Variants in ADARB2 observed in about 807,000 individuals in gnomAD.
The protein encoded by ADARB2 is inactive double-stranded RNA-specific editase B2.
ADARB2 carries 25 observed loss-of-function variants against 62.2 expected under a neutral mutation model. The observed-to-expected ratio is 0.40, with a 90% CI of 0.29 to 0.56. The LOEUF (loss-of-function observed/expected upper bound fraction) is 0.56, where lower values mean the gene tolerates loss of function less well. ADARB2 is among the 20% of genes least tolerant of loss of function. The pLI, the probability that ADARB2 is intolerant of heterozygous loss-of-function variation, is 0.43. For synonymous variants in ADARB2, 572 were observed against 500.8 expected (o/e 1.14, Z -1.90); for missense variants, 1,071 against 1,077.4 (o/e 0.99, Z 0.08).
At chr10:1,406,514 G>T (rs922820052) in intron 1 of ADARB2, among the ~76,000 whole-genome samples, 20 of 152,146 alleles carry the variant, frequency 1.3e-4, no homozygotes, top group African/African-American at 4.8e-4. Context: ...TCCCTACCTG[G>T]GGACCACTGG....
At chr10:1,377,163 GGT>G (rs1275020398) in intron 2 of ADARB2, among the ~76,000 whole-genome samples, 3 of 139,840 alleles carry the variant, frequency 2.1e-5, no homozygotes, top group Non-Finnish European at 1.5e-5. Flanking sequence ...GTGCTCCTGG[GGT>G]GTGTGTGTGC....
chr10:1,266,176 G>A (rs1189032744), intron 4 of ADARB2, among the ~76,000 whole-genome samples: 1 of 152,240 alleles, frequency 6.6e-6, no homozygotes, highest in Non-Finnish European at 1.5e-5. Context: ...GATGGCGTGT[G>A]GGTCGGCGCC....
At chr10:1,258,620 T>C (rs1173309554) in intron 4 of ADARB2, among the ~76,000 whole-genome samples, 1 of 152,072 alleles carries the variant, frequency 6.6e-6, no homozygotes, top group Non-Finnish European at 1.5e-5. Flanking sequence ...TATATATGCA[T>C]CCAATACAGG....
At chr10:1,413,789 C>T (rs954748808) in intron 1 of ADARB2, among the ~76,000 whole-genome samples, 1 of 152,170 alleles carries the variant, frequency 6.6e-6, no homozygotes, top group Non-Finnish European at 1.5e-5. Context: ...ATTTTTTGGT[C>T]AAAACCCAAA....
At chr10:1,676,915 G>T (rs1050110273) in intron 1 of ADARB2, among the ~76,000 whole-genome samples, 1 of 152,146 alleles carries the variant, frequency 6.6e-6, no homozygotes, top group Non-Finnish European at 1.5e-5. Flanking sequence ...GGTCACTGTG[G>T]AGTGGAGGGC....
In ADARB2 at chr10:1,708,529, G is replaced by A. The variant is rs374278903; in HGVS notation, c.100+28522C>T. On this transcript the variant is annotated intron_variant, in intron 1 of 9. Coordinates refer to ENST00000381312, the MANE Select transcript of ADARB2 (RefSeq NM_018702.4). ...GTGCTGGCAGACAACAAGACACAAG[G>A]CCCTTTAGTCAAGACGCCAATCAAG... Among the ~76,000 whole-genome samples the A allele has an allele frequency of 2.6e-5, 4 of 152,290 alleles. No individual in the cohort carries two copies. In the East Asian group the frequency reaches 5.8e-4, roughly 22 times the overall value.
At chr10:1,262,382 A>C (rs1292635221) in intron 4 of ADARB2, among the ~76,000 whole-genome samples, 1 of 151,430 alleles carries the variant, frequency 6.6e-6, no homozygotes, top group Non-Finnish European at 1.5e-5. Context: ...TTTGCAACCC[A>C]CTCATGTGAC....
intron 1 of ADARB2, among the ~76,000 whole-genome samples, chr10:1,444,732 C>A (rs1830947326): frequency 6.7e-6 from 1 of 149,248 alleles, no homozygotes; most frequent in Non-Finnish European, 1.5e-5. Context: ...ATCCATCTAT[C>A]TATCCATCCA....
rs11338512 is a variant in ADARB2 at position 1,734,296 on chromosome 10, GTTTT to G, written c.100+2751_100+2754del. Among the ~76,000 whole-genome samples, 1,260 of 130,776 alleles carry G rather than the reference GTTTT, an allele frequency of 9.6e-3. 15 individuals are homozygous for G. The highest frequency in any genetic ancestry group is 0.031 in the African/African-American group (1,134 of 36,200). 85.8% of individuals were successfully genotyped at this position (130,776 alleles called of 152,430 possible). On this transcript the variant is annotated intron_variant, in intron 1 of 9. Transcript: ENST00000381312. The stretch of plus-strand genomic sequence containing the variant: ...GAAAGTCATATTCTGTGACGAAGGT[GTTTT>G]TTTTTTTTTTTTTTTTAAAGATACA...
intron 1 of ADARB2, among the ~76,000 whole-genome samples, chr10:1,466,719 C>T (rs774191512): frequency 2.6e-5 from 4 of 152,136 alleles, no homozygotes; most frequent in Non-Finnish European, 5.9e-5. Flanking sequence ...GTTGTTGGAT[C>T]CCCAGAAAGC....
Position 1,532,172 on chromosome 10 carries a change from G to A in ADARB2, c.101-153012C>T, listed in dbSNP as rs375338691. 1.3e-4 allele frequency among the ~76,000 whole-genome samples: 20 copies of A among 152,210 alleles called. 1 individual carries two copies. In the East Asian group the frequency reaches 3.9e-3, roughly 29 times the overall value. On this transcript the variant is annotated intron_variant, in intron 1 of 9. Coordinates refer to ENST00000381312, the MANE Select transcript of ADARB2 (RefSeq NM_018702.4). ...CCATTCCCTGAAGACAGACGGTTCT[G>A]TGATGCTTTCTGGATGGCGTTTTCC...
At chr10:1,506,799 G>C (rs754569039) in intron 1 of ADARB2, among the ~76,000 whole-genome samples, 1 of 152,268 alleles carries the variant, frequency 6.6e-6, no homozygotes, top group Non-Finnish European at 1.5e-5. Context: ...TTAGGAGGTG[G>C]AGTCTTTGGG....
chr10:1,274,712 G>A (rs1049950568), intron 3 of ADARB2, among the ~76,000 whole-genome samples: 8 of 152,190 alleles, frequency 5.3e-5, no homozygotes, highest in African/African-American at 1.2e-4. Context: ...GAGCAGGCGC[G>A]GTACCTGCCC....
intron 1 of ADARB2, chr10:1,556,783 C>T (rs763256461): frequency 3.7e-6 from 2 of 534,522 alleles, no homozygotes; most frequent in Middle Eastern, 3.2e-4. Context: ...TCTTCCTGCC[C>T]CTGACCACAG....
At chr10:1,297,160 A>G (rs1831530516) in intron 3 of ADARB2, among the ~76,000 whole-genome samples, 1 of 152,236 alleles carries the variant, frequency 6.6e-6, no homozygotes, top group African/African-American at 2.4e-5. Flanking sequence ...TAAAGGATTT[A>G]GAAACGAAAT....
At chr10:1,627,854 T>C (rs1358043970) in intron 1 of ADARB2, among the ~76,000 whole-genome samples, 19 of 152,194 alleles carry the variant, frequency 1.2e-4, no homozygotes, top group Non-Finnish European at 2.8e-4. Context: ...TCTTTGGTCA[T>C]GTTTGTCCTC....
In ADARB2 at chr10:1,513,801, C is replaced by T. The variant is rs368468096; in HGVS notation, c.101-134641G>A. Among the ~76,000 whole-genome samples, 38 of 152,226 alleles carry T rather than the reference C, an allele frequency of 2.5e-4. No individual in the cohort carries two copies. In the East Asian group the frequency reaches 3.5e-3, roughly 14 times the overall value. Reference sequence around the variant, plus strand: ...AATCATGCTGGCTTGAAGTGATAGCCGGTGAATGCTTGTCTATCACCTTTC... The same window carrying T: ...AATCATGCTGGCTTGAAGTGATAGCTGGTGAATGCTTGTCTATCACCTTTC... On this transcript the variant is annotated intron_variant, in intron 1 of 9. Transcript: ENST00000381312.
intron 1 of ADARB2, among the ~76,000 whole-genome samples, chr10:1,503,526 C>G (rs1466074663): frequency 1.3e-5 from 2 of 152,110 alleles, no homozygotes; most frequent in Non-Finnish European, 2.9e-5. Flanking sequence ...CCTTCACATT[C>G]ATTGTATCAT....
chr10:1,341,480 AG>A (rs1832027392), intron 3 of ADARB2, among the ~76,000 whole-genome samples: 1 of 145,780 alleles, frequency 6.9e-6, no homozygotes, highest in African/African-American at 2.7e-5. Flanking sequence ...CGTGCCCCAC[AG>A]TGGCAATAAC....
Sources: gnomAD v4.1 joint callset for allele counts (sites outside exome capture counted in the v4.1 genomes callset) on GRCh38, gnomAD v4.1.1 for gene constraint, MANE v1.5 for transcripts, NCBI Gene and HGNC (gene_info 2026-07-23, HGNC 2026-07-21) for gene names.